Variants in OPCML observed in about 807,000 individuals in gnomAD.
OPCML encodes the protein opioid binding protein/cell adhesion molecule like, also known as opioid-binding protein/cell adhesion molecule.
In OPCML, 13 loss-of-function variants were observed where a neutral mutation model predicts 37.8. The observed-to-expected ratio is 0.34, with a 90% CI of 0.22 to 0.55. The LOEUF is 0.55. Ranked by LOEUF, OPCML falls within the 20% of genes least tolerant of loss-of-function variation. The pLI is 0.91. For missense variants in OPCML, 341 were observed against 435.6 expected, an observed-to-expected ratio of 0.78 and a Z score of 1.93; for synonymous variants, 176 against 168.8, an observed-to-expected ratio of 1.04 and a Z score of -0.33.
chr11:132,612,157 G>T (rs1346437783), intron 3 of OPCML, among the ~76,000 whole-genome samples: 2 of 152,190 alleles, frequency 1.3e-5, no homozygotes, highest in African/African-American at 4.8e-5. Flanking sequence ...CAAGAAGAAT[G>T]TAGGCTGGAT....
chr11:132,618,188 C>G (rs1939155785), intron 3 of OPCML, among the ~76,000 whole-genome samples: 1 of 152,188 alleles, frequency 6.6e-6, no homozygotes, highest in Non-Finnish European at 1.5e-5. Flanking sequence ...AGAATGAACA[C>G]AACGGTAAGG....
At chr11:132,448,903 C>G (rs1025653222) in intron 4 of OPCML, among the ~76,000 whole-genome samples, 1 of 152,210 alleles carries the variant, frequency 6.6e-6, no homozygotes, top group African/African-American at 2.4e-5. Flanking sequence ...ATCAGATGAC[C>G]TCCAAGGTCA....
chr11:133,176,455 A>G (rs1399964481), intron 1 of OPCML, among the ~76,000 whole-genome samples: 2 of 151,698 alleles, frequency 1.3e-5, no homozygotes, highest in East Asian at 1.9e-4. Context: ...GTAATTCCCA[A>G]TGTTGGAGGT....
At chr11:133,239,560 C>T (rs1230792353) in intron 1 of OPCML, among the ~76,000 whole-genome samples, 1 of 152,228 alleles carries the variant, frequency 6.6e-6, no homozygotes, top group Non-Finnish European at 1.5e-5. Flanking sequence ...ACAGCACAGG[C>T]CAACTTAGGG....
At chr11:133,101,275 A>C (rs953872895) in intron 1 of OPCML, among the ~76,000 whole-genome samples, 1 of 152,206 alleles carries the variant, frequency 6.6e-6, no homozygotes, top group Non-Finnish European at 1.5e-5. Flanking sequence ...CATGAAAGAA[A>C]TAATTGATAA....
At chr11:132,703,375 C>T (rs1186440947) in intron 2 of OPCML, among the ~76,000 whole-genome samples, 3 of 152,140 alleles carry the variant, frequency 2.0e-5, no homozygotes, top group African/African-American at 7.2e-5. Context: ...CATATATGGG[C>T]CATGATTGAC....
rs200784985 is a variant in OPCML, at chr11:133,174,747, TCTCTGA to T, written c.62-231743_62-231738del. Reference sequence around the variant, plus strand: ...ATGTTTGCCTATCTATATTTTCATCTCTCTGACTGTTTTAGTCATTCAACTCTATAT... The same window carrying T: ...ATGTTTGCCTATCTATATTTTCATCTCTGTTTTAGTCATTCAACTCTATAT... On this transcript the variant is annotated intron_variant, in intron 1 of 7. Transcript: ENST00000524381. This position sits in a 1 kb window ranked among gnomAD's most constrained non-coding sequence, Gnocchi z 4.6. Among the ~76,000 whole-genome samples the T allele has an allele frequency of 0.015, 2,285 of 151,190 alleles. 55 individuals are homozygous for T. The highest frequency in any genetic ancestry group is 0.052 in the African/African-American group (2,156 of 41,204).
At chr11:133,502,464 A>G (rs111899822) in intron 1 of OPCML, among the ~76,000 whole-genome samples, 36 of 152,262 alleles carry the variant, frequency 2.4e-4, no homozygotes, top group African/African-American at 7.7e-4. Context: ...CCTCGCCCCA[A>G]CTGGAGCAGT....
At chr11:132,917,114 G>T (rs1236871157) in intron 2 of OPCML, among the ~76,000 whole-genome samples, 1 of 152,148 alleles carries the variant, frequency 6.6e-6, no homozygotes, top group Non-Finnish European at 1.5e-5. Flanking sequence ...TGGCTCCTGA[G>T]TGTCAATGTG....
chr11:132,689,654 A>G (rs536419598), intron 2 of OPCML, among the ~76,000 whole-genome samples: 1 of 152,358 alleles, frequency 6.6e-6, no homozygotes, highest in South Asian at 2.1e-4. Context: ...GAAGAGCAGT[A>G]CTGCACAGAA....
intron 2 of OPCML, among the ~76,000 whole-genome samples, chr11:132,730,674 T>C (rs1473680831): frequency 6.6e-6 from 1 of 152,094 alleles, no homozygotes; most frequent in East Asian, 1.9e-4. Flanking sequence ...GAAGACGTAA[T>C]CTCTGCTTCA....
chr11:132,613,840 T>C (rs1938818375), intron 3 of OPCML, among the ~76,000 whole-genome samples: 1 of 152,134 alleles, frequency 6.6e-6, no homozygotes, highest in South Asian at 2.1e-4. Context: ...GCACATTATA[T>C]GTGGGTATGC....
At chr11:133,310,185 A>T (rs1238533006) in intron 1 of OPCML, among the ~76,000 whole-genome samples, 1 of 152,206 alleles carries the variant, frequency 6.6e-6, no homozygotes, top group South Asian at 2.1e-4. Context: ...CTTTTGTGGA[A>T]AAGGGGTATG....
At chr11:133,494,363 A>G (rs918829446) in intron 1 of OPCML, among the ~76,000 whole-genome samples, 2 of 151,752 alleles carry the variant, frequency 1.3e-5, no homozygotes, top group African/African-American at 4.9e-5. Flanking sequence ...CAGCCATCCC[A>G]TTACTGGGTA....
At chr11:132,423,012 A>G (rs552789321) in intron 7 of OPCML, among the ~76,000 whole-genome samples, 3 of 152,238 alleles carry the variant, frequency 2.0e-5, no homozygotes, top group South Asian at 2.1e-4. Flanking sequence ...TCCTTCTTCT[A>G]TTAGCTCTCT....
intron 1 of OPCML, among the ~76,000 whole-genome samples, chr11:133,495,689 A>G (rs1947770597): frequency 6.6e-6 from 1 of 151,998 alleles, no homozygotes; most frequent in African/African-American, 2.4e-5. Flanking sequence ...TCTGTTGGCC[A>G]TTTGTATATC....
rs75714610 is a variant in OPCML, at chr11:133,073,605, T to C, written c.62-130595A>G. ...GGGGGTAAGAGTTACATCAGCTCCA[T>C]TTACCCCTGAGTTCTCCACGTGCAG... is the stretch of plus-strand genomic sequence containing the variant. On this transcript the variant is annotated intron_variant, in intron 1 of 7. Coordinates refer to ENST00000524381, the MANE Select transcript of OPCML (RefSeq NM_001012393.5). Among the ~76,000 whole-genome samples, 1,333 of 152,282 alleles carry C rather than the reference T, an allele frequency of 8.8e-3. 11 individuals are homozygous for C. The highest frequency in any genetic ancestry group is 0.03 in the African/African-American group (1,266 of 41,552).
At chr11:133,451,011 C>T (rs957466373) in intron 1 of OPCML, among the ~76,000 whole-genome samples, 3 of 151,656 alleles carry the variant, frequency 2.0e-5, no homozygotes, top group Non-Finnish European at 4.4e-5. Flanking sequence ...ATGTAATCAA[C>T]ACATATGTTA....
At chr11:132,889,034 A>G (rs1943536909) in intron 2 of OPCML, among the ~76,000 whole-genome samples, 1 of 152,198 alleles carries the variant, frequency 6.6e-6, no homozygotes, top group Non-Finnish European at 1.5e-5. Flanking sequence ...ATTTTTCAGG[A>G]CTTATGTCCA....
Sources: gnomAD v4.1 joint callset for allele counts (sites outside exome capture counted in the v4.1 genomes callset) on GRCh38, gnomAD v4.1.1 for gene constraint, Gnocchi (gnomAD v3.1) non-coding constraint, MANE v1.5 for transcripts, NCBI Gene and HGNC (gene_info 2026-07-23, HGNC 2026-07-21) for gene names.